The following CCDC3 variants were observed in gnomAD, a reference collection of about 807,000 sequenced individuals.
CCDC3 encodes coiled-coil domain-containing protein 3.
Under a neutral mutation model 21.4 loss-of-function variants are expected in CCDC3, and 24 were observed. The ratio of observed to expected loss-of-function variants is 1.12; its 90% CI spans 0.81 to 1.58. The LOEUF (loss-of-function observed/expected upper bound fraction) is 1.58. Among genes scored for constraint, CCDC3 ranks in the 40% most tolerant of loss-of-function variants. CCDC3 has a pLI of 0.00. For synonymous variants in CCDC3, 186 were observed against 166.0 expected, an observed-to-expected ratio of 1.12 and a Z score of -0.93; for missense variants, 425 against 360.9, an observed-to-expected ratio of 1.18 and a Z score of -1.44.
At chr10:12,925,192 A>T (rs1429510650) in intron 2 of CCDC3, among the ~76,000 whole-genome samples, 1 of 152,172 alleles carries the variant, frequency 6.6e-6, no homozygotes, top group East Asian at 1.9e-4. Flanking sequence ...GGCATCCCTC[A>T]GGAAGTAGGC....
At chr10:12,910,264 G>A (rs937287600) in intron 2 of CCDC3, among the ~76,000 whole-genome samples, 3 of 152,180 alleles carry the variant, frequency 2.0e-5, no homozygotes, top group African/African-American at 7.2e-5. Flanking sequence ...TTCAAATGTG[G>A]TTGTGCCGCT....
At chr10:13,095,643 G>A (rs1171013692) in intron 3 of CCDC3, among the ~76,000 whole-genome samples, 2 of 152,192 alleles carry the variant, frequency 1.3e-5, no homozygotes, top group East Asian at 1.9e-4. Flanking sequence ...CTGCTGTTCG[G>A]TCTAGTTCCT....
intron 2 of CCDC3, among the ~76,000 whole-genome samples, chr10:12,904,820 C>CA (rs775040151): frequency 6.6e-6 from 1 of 152,074 alleles, no homozygotes; most frequent in African/African-American, 2.4e-5. Context: ...TTTTGGCTTC[C>CA]ATATGTTCAT....
intron 2 of CCDC3, among the ~76,000 whole-genome samples, chr10:12,962,434 C>G (rs1298499175): frequency 6.6e-6 from 1 of 152,170 alleles, no homozygotes; most frequent in Admixed American, 6.5e-5. Flanking sequence ...GAAACCCTGT[C>G]TCTACTAAAT....
chr10:12,901,597 C>T (rs537102146), intron 2 of CCDC3, among the ~76,000 whole-genome samples: 1 of 152,268 alleles, frequency 6.6e-6, no homozygotes, highest in East Asian at 1.9e-4. Flanking sequence ...ATTCCAAAGT[C>T]TACGTCTCAG....
intron 5 of CCDC3, among the ~76,000 whole-genome samples, chr10:13,033,289 T>C (rs974952941): frequency 5.3e-5 from 8 of 152,218 alleles, no homozygotes; most frequent in African/African-American, 1.4e-4. Flanking sequence ...GCTAGCCATA[T>C]GTAGAAAGCT....
At chr10:12,919,421 C>T (rs1341052365) in intron 2 of CCDC3, among the ~76,000 whole-genome samples, 1 of 152,112 alleles carries the variant, frequency 6.6e-6, no homozygotes, top group Middle Eastern at 3.4e-3. Context: ...GAAACCCTGT[C>T]TTTACTAAAA....
At chr10:13,028,572 C>A (rs1236543523) in intron 5 of CCDC3, among the ~76,000 whole-genome samples, 1 of 151,910 alleles carries the variant, frequency 6.6e-6, no homozygotes, top group African/African-American at 2.4e-5. Flanking sequence ...ATAGAGCACC[C>A]ACAGATGACA....
At chr10:12,913,203 C>A (rs1165717547) in intron 2 of CCDC3, among the ~76,000 whole-genome samples, 1 of 152,170 alleles carries the variant, frequency 6.6e-6, no homozygotes, top group African/African-American at 2.4e-5. Context: ...TAACAATATT[C>A]TTCTAATCTA....
chr10:13,039,130 T>G (rs1038545690), intron 5 of CCDC3, among the ~76,000 whole-genome samples: 1 of 152,124 alleles, frequency 6.6e-6, no homozygotes, highest in African/African-American at 2.4e-5. Context: ...CTAGCTTTCT[T>G]TAGGAAAAGT....
At chr10:13,047,316 C>T (rs2131422546) in intron 5 of CCDC3, among the ~76,000 whole-genome samples, 1 of 152,284 alleles carries the variant, frequency 6.6e-6, no homozygotes, top group East Asian at 1.9e-4. Context: ...GTAGGTGAGT[C>T]TCCATGGAGC....
At chr10:13,024,972 G>T (rs1836196368) in intron 5 of CCDC3, among the ~76,000 whole-genome samples, 1 of 152,072 alleles carries the variant, frequency 6.6e-6, no homozygotes, top group African/African-American at 2.4e-5. Context: ...CAGACTCAAA[G>T]CCTGTGTTAT....
intron 2 of CCDC3, among the ~76,000 whole-genome samples, chr10:12,986,546 G>C (rs376247982): frequency 6.6e-6 from 1 of 152,142 alleles, no homozygotes; most frequent in Non-Finnish European, 1.5e-5. Context: ...AGGCCAAGGC[G>C]GGCGGATCAC....
chr10:13,020,032 C>A (rs1471910524), intron 5 of CCDC3, among the ~76,000 whole-genome samples: 1 of 152,128 alleles, frequency 6.6e-6, no homozygotes, highest in Non-Finnish European at 1.5e-5. Flanking sequence ...TAAATATGAA[C>A]ACTATTAGTA....
At chr10:12,929,189 G>C (rs143478928) in intron 2 of CCDC3, among the ~76,000 whole-genome samples, 1,996 of 150,558 alleles carry the variant, frequency 0.013, 24 homozygotes, top group African/African-American at 0.035. Context: ...TTGAACCCAG[G>C]GGGTGGAGGT....
At chr10:13,082,006 G>GC in intron 3 of CCDC3, among the ~76,000 whole-genome samples, 1 of 152,290 alleles carries the variant, frequency 6.6e-6, no homozygotes, top group Admixed American at 6.5e-5. Flanking sequence ...CTGTGGGTCA[G>GC]CCCCCGAGGG....
chr10:13,075,213 T>C (rs911731490), intron 3 of CCDC3, among the ~76,000 whole-genome samples: 1 of 152,250 alleles, frequency 6.6e-6, no homozygotes, highest in East Asian at 1.9e-4. Context: ...TCCTATTTCC[T>C]CTGCTGGTGC....
chr10:13,078,264 C>T (rs1381939772), intron 3 of CCDC3, among the ~76,000 whole-genome samples: 6 of 152,158 alleles, frequency 3.9e-5, no homozygotes, highest in Non-Finnish European at 7.3e-5. Flanking sequence ...AAAAAATGCT[C>T]ATCATCACTG....
chr10:12,964,387 AGAG>A (rs1835228055), intron 2 of CCDC3, among the ~76,000 whole-genome samples: 2 of 131,338 alleles, frequency 1.5e-5, no homozygotes, highest in Non-Finnish European at 3.4e-5. Flanking sequence ...AAAAAAAAAA[AGAG>A]AGAGAATGAC....
Sources: allele counts gnomAD v4.1 joint callset (sites outside exome capture counted in the v4.1 genomes callset), GRCh38; gene constraint gnomAD v4.1.1; transcripts MANE v1.5; gene names NCBI Gene and HGNC (gene_info 2026-07-23, HGNC 2026-07-21).